Variants in AACS observed in about 807,000 individuals in gnomAD.
AACS encodes acetoacetate-CoA ligase.
In AACS, 69 loss-of-function variants were observed where a neutral mutation model predicts 83.1. The observed-to-expected ratio is 0.83, with a 90% CI of 0.68 to 1.01. AACS has a LOEUF of 1.01. AACS is among the 50% of genes least tolerant of loss of function. The pLI is 0.00. For missense variants in AACS, 866 were observed against 882.2 expected (o/e 0.98, Z 0.23); for synonymous variants, 333 against 343.4 (o/e 0.97, Z 0.33).
intron 9 of AACS, among the ~76,000 whole-genome samples, chr12:125,116,017 AT>A (rs146107666): frequency 0.01 from 1,556 of 152,252 alleles, 31 homozygotes; most frequent in African/African-American, 0.036. Context: ...CCAGCTGTGA[AT>A]TAATAAGGGG....
chr12:125,094,541 G>T lies in AACS; in HGVS notation c.570+3018G>T, dbSNP rs1202710857. Among the ~76,000 whole-genome samples the T allele has an allele frequency of 1.3e-5, 2 of 152,098 alleles. No individual in the cohort carries two copies. The highest frequency in any genetic ancestry group is 2.1e-4 in the South Asian group (1 of 4,810). ...CCTCTCTGCTGCAGAGCCACAGACC[G>T]CAGTGGGCTGTCCAGGGAGTGCTGG... On this transcript the variant is annotated intron_variant, in intron 5 of 17. Coordinates refer to ENST00000316519, the MANE Select transcript of AACS (RefSeq NM_023928.5). This position sits in a 1 kb window ranked among gnomAD's most constrained non-coding sequence, Gnocchi z 4.1.
At chr12:125,110,524 C>T (rs1280667674) in intron 8 of AACS, among the ~76,000 whole-genome samples, 2 of 152,180 alleles carry the variant, frequency 1.3e-5, no homozygotes, top group Non-Finnish European at 1.5e-5. Context: ...CGCCGTGGCT[C>T]CCACCCTCAC....
rs778162344 is a variant in AACS, at chr12:125,118,731, C to T, written c.1087C>T (p.Pro363Ser). 1.2e-6 allele frequency: 2 copies of T among 1,614,174 alleles called. No homozygotes were observed. The highest frequency in any genetic ancestry group is 2.2e-5 in the South Asian group (2 of 91,078). Reference sequence around the variant, plus strand: ...CGATGGCTCCCCCCTGGTGCCCACGCCCAATGTGCTCTGGGACCTGGTTGA... The same window carrying T: ...CGATGGCTCCCCCCTGGTGCCCACGTCCAATGTGCTCTGGGACCTGGTTGA... ...LYDGSPLVPT[P>S]NVLWDLVDRI... Residue 363 changes from proline to serine, a missense_variant, in exon 10 of 18, where the codon CCC becomes TCC. Physicochemically the swap from Pro to Ser is moderately conservative, Grantham distance 74. Transcript: ENST00000316519.
intron 3 of AACS, among the ~76,000 whole-genome samples, chr12:125,080,319 A>T (rs936965648): frequency 9.2e-5 from 14 of 152,214 alleles, no homozygotes; most frequent in Admixed American, 2.6e-4. Flanking sequence ...GTCAAATGTG[A>T]ATCCTTAAAA....
intron 12 of AACS, chr12:125,126,725 G>T (rs12303572): frequency 0.34 from 51,896 of 151,706 alleles, 9,292 homozygotes; most frequent in East Asian, 0.55. Flanking sequence ...AGGACCACAG[G>T]TGCATGCCAC....
intron 10 of AACS, among the ~76,000 whole-genome samples, chr12:125,119,295 C>G (rs1353254153): frequency 6.6e-6 from 1 of 152,158 alleles, no homozygotes; most frequent in Admixed American, 6.5e-5. Context: ...TCATACTGTG[C>G]ATTCATCTTA....
At position 125,129,202 on chromosome 12, in the gene AACS, C is replaced by T. The variant is rs12321593; in HGVS notation, c.1424-133C>T. The T allele has an allele frequency of 4.5e-3, 5,666 of 1,259,992 alleles. 183 individuals carry two copies. The African/African-American group carries it at 0.073, about 16-fold the overall frequency. The allele number at this position is 1,259,992 out of a possible 1,614,324, so 78.1% of individuals were successfully genotyped here. Reference sequence around the variant, plus strand: ...TAGGCTGCTGTGACAGGTGTGTGGGCGTGGACCATCTCTGTACCTTTGTAT... The same window carrying T: ...TAGGCTGCTGTGACAGGTGTGTGGGTGTGGACCATCTCTGTACCTTTGTAT... On this transcript the variant is annotated intron_variant, in intron 13 of 17. Transcript: ENST00000316519. The surrounding 1 kb of genome is among the most constrained non-coding windows in gnomAD (Gnocchi z 4.3).
intron 1 of AACS, among the ~76,000 whole-genome samples, chr12:125,066,485 C>G (rs1473307357): frequency 7.1e-6 from 1 of 141,588 alleles, no homozygotes; most frequent in Non-Finnish European, 1.5e-5. Context: ...GTTTCTCTCT[C>G]GTTGCCCAGG....
chr12:125,084,043 T>C (rs1956266961), intron 3 of AACS, among the ~76,000 whole-genome samples: 1 of 152,192 alleles, frequency 6.6e-6, no homozygotes, highest in Non-Finnish European at 1.5e-5. Context: ...AAGGTCACCT[T>C]CTGGCTGGGT....
At chr12:125,091,346 G>A in intron 4 of AACS, 80 bp from the exon 5 acceptor site, 1 of 1,423,220 alleles carries the variant, frequency 7.0e-7, no homozygotes, top group Non-Finnish European at 9.8e-7. Context: ...TCTGACCTTG[G>A]CTCTCAGAGA....
chr12:125,079,871 C>T (rs182863066), intron 3 of AACS, among the ~76,000 whole-genome samples: 7 of 152,280 alleles, frequency 4.6e-5, no homozygotes, highest in Admixed American at 2.6e-4. Flanking sequence ...GTTCCTGCCT[C>T]CCCCAGCTCC....
In AACS at chr12:125,097,433, T is replaced by TAAA. The variant is rs35791342; in HGVS notation, c.571-5231_571-5229dup. ...TGCTGAAGTTGGCCAATGTTTTACT[T>TAAA]AAAAAAAAAAAAAAAAAGTGCGTTG... is the stretch of plus-strand genomic sequence containing the variant. On this transcript the variant is annotated intron_variant, in intron 5 of 17. Coordinates refer to ENST00000316519, the MANE Select transcript of AACS (RefSeq NM_023928.5). The surrounding 1 kb of genome is among the most constrained non-coding windows in gnomAD (Gnocchi z 4.3). 1.0e-4 allele frequency among the ~76,000 whole-genome samples: 14 copies of TAAA among 136,084 alleles called. No homozygotes were observed. Among genetic ancestry groups the TAAA allele is most frequent in the Admixed American group, 7.3e-5 (1 of 13,660 alleles). 89.3% of individuals were successfully genotyped at this position (136,084 alleles called of 152,430 possible). A position where few individuals can be genotyped will look rare whatever the true frequency, so the allele number is the denominator to read the frequency against.
intron 12 of AACS, 42 bp downstream of exon 12, chr12:125,125,066 G>A (rs374447799): frequency 1.1e-5 from 18 of 1,612,600 alleles, no homozygotes; most frequent in East Asian, 2.2e-5. Context: ...CATCCCCGCC[G>A]GCCCCATAAG....
At chr12:125,066,692 G>T (rs566802643) in intron 1 of AACS, among the ~76,000 whole-genome samples, 3 of 151,946 alleles carry the variant, frequency 2.0e-5, no homozygotes, top group Admixed American at 1.3e-4. Flanking sequence ...CAGGTGATCC[G>T]ATCGCCTTGG....
intron 7 of AACS, among the ~76,000 whole-genome samples, chr12:125,104,933 T>A (rs1256725725): frequency 1.4e-5 from 2 of 142,786 alleles, no homozygotes; most frequent in Non-Finnish European, 3.0e-5. Flanking sequence ...GGAGGCTGTA[T>A]GGAGCTTGTG....
At chr12:125,109,299 T>A (rs942953923) in intron 8 of AACS, among the ~76,000 whole-genome samples, 1 of 152,020 alleles carries the variant, frequency 6.6e-6, no homozygotes, top group Admixed American at 6.6e-5. Flanking sequence ...TTTGTTTTTG[T>A]AGAGATGGGG....
chr12:125,111,794 C>T (rs532421176), intron 8 of AACS, among the ~76,000 whole-genome samples: 1 of 152,312 alleles, frequency 6.6e-6, no homozygotes, highest in Admixed American at 6.5e-5. Context: ...ACTGTTTATG[C>T]TGCCTTACCC....
intron 5 of AACS, among the ~76,000 whole-genome samples, chr12:125,095,686 T>C (rs1956592241): frequency 6.6e-6 from 1 of 152,248 alleles, no homozygotes; most frequent in Non-Finnish European, 1.5e-5. Context: ...CGCTGGGCTT[T>C]GGAGATGCTG....
At chr12:125,091,040 G>A (rs1956472657) in intron 4 of AACS, 4 of 256,060 alleles carry the variant, frequency 1.6e-5, no homozygotes, top group Admixed American at 4.4e-5. Context: ...CAGGATGAGC[G>A]CACACTGAGT....
Sources: allele counts gnomAD v4.1 joint callset (sites outside exome capture counted in the v4.1 genomes callset), GRCh38; gene constraint gnomAD v4.1.1; non-coding constraint Gnocchi (gnomAD v3.1); transcripts MANE v1.5; gene names NCBI Gene and HGNC (gene_info 2026-07-23, HGNC 2026-07-21).